The following MSRA variants were observed in gnomAD, a reference collection of about 807,000 sequenced individuals.
MSRA encodes mitochondrial peptide methionine sulfoxide reductase.
In MSRA, 54 loss-of-function variants were observed where a neutral mutation model predicts 31.3. The observed-to-expected ratio is 1.73, with a 90% CI of 1.39 to 2.17. The LOEUF is 2.17. Among genes scored for constraint, MSRA ranks in the 30% most tolerant of loss-of-function variants. The probability of loss-of-function intolerance (pLI) is 0.00; values close to 1 mark genes in which losing one functional copy is unlikely to be tolerated. For synonymous variants in MSRA, 169 were observed against 116.5 expected (o/e 1.45, Z -2.90); for missense variants, 507 against 300.9 (o/e 1.69, Z -5.07).
chr8:10,408,470 A>G (rs1246634003), intron 5 of MSRA, among the ~76,000 whole-genome samples: 3 of 152,160 alleles, frequency 2.0e-5, no homozygotes, highest in Non-Finnish European at 4.4e-5. Context: ...GGAACCCAGA[A>G]TCAAGCCTGC....
chr8:10,124,503 T>G (rs971094326), intron 1 of MSRA, among the ~76,000 whole-genome samples: 1 of 152,198 alleles, frequency 6.6e-6, no homozygotes, highest in Non-Finnish European at 1.5e-5. Flanking sequence ...TTATGGAAAA[T>G]TCTAAAAGTG....
chr8:10,208,214 T>C (rs1356689803), intron 2 of MSRA, among the ~76,000 whole-genome samples: 2 of 152,102 alleles, frequency 1.3e-5, no homozygotes, highest in Non-Finnish European at 2.9e-5. Flanking sequence ...AGCACGGATT[T>C]TTTTTTTTTC....
At chr8:10,382,417 T>A (rs1395342920) in intron 5 of MSRA, among the ~76,000 whole-genome samples, 2 of 152,222 alleles carry the variant, frequency 1.3e-5, no homozygotes, top group African/African-American at 2.4e-5. Context: ...GTCGCCCTTG[T>A]ACTGCATTTG....
intron 5 of MSRA, among the ~76,000 whole-genome samples, chr8:10,365,628 A>C (rs1805118417): frequency 6.6e-6 from 1 of 152,226 alleles, no homozygotes; most frequent in Non-Finnish European, 1.5e-5. Flanking sequence ...AGCAGGAACT[A>C]CTTATAGACT....
intron 3 of MSRA, among the ~76,000 whole-genome samples, chr8:10,275,699 A>G (rs1431581685): frequency 1.3e-5 from 2 of 152,196 alleles, no homozygotes; most frequent in Admixed American, 1.3e-4. Context: ...GTACAAGGAG[A>G]TGCCATGAGA....
intron 2 of MSRA, among the ~76,000 whole-genome samples, chr8:10,225,207 C>G (rs562381803): frequency 6.6e-5 from 10 of 152,354 alleles, no homozygotes; most frequent in Non-Finnish European, 1.3e-4. Flanking sequence ...CATCTCATCC[C>G]TTACTCTAAC....
intron 5 of MSRA, among the ~76,000 whole-genome samples, chr8:10,420,102 C>T (rs1404265066): frequency 6.6e-6 from 1 of 152,076 alleles, no homozygotes; most frequent in African/African-American, 2.4e-5. Flanking sequence ...AGTGTGCAGC[C>T]TTAAAAAGAA....
At chr8:10,396,063 C>A (rs1165276241) in intron 5 of MSRA, among the ~76,000 whole-genome samples, 1 of 152,188 alleles carries the variant, frequency 6.6e-6, no homozygotes, top group Non-Finnish European at 1.5e-5. Context: ...CCCCTTCCCA[C>A]AAGGGCCCTT....
intron 1 of MSRA, among the ~76,000 whole-genome samples, chr8:10,193,831 G>C (rs769874615): frequency 6.6e-6 from 1 of 152,144 alleles, no homozygotes; most frequent in Non-Finnish European, 1.5e-5. Flanking sequence ...GAAAATGTTA[G>C]AGTAGCTGAT....
chr8:10,316,532 C>G lies in MSRA; in HGVS notation c.437-3351C>G, dbSNP rs977803044. ...TGTTAGCTACTTTGATGATCCCTCT[C>G]TCTCTCTCTCTCTCTCTCTCTCTCT... On this transcript the variant is annotated intron_variant, in intron 4 of 5. Coordinates refer to ENST00000317173, the MANE Select transcript of MSRA (RefSeq NM_012331.5). 1.2e-4 allele frequency among the ~76,000 whole-genome samples: 5 copies of G among 40,864 alleles called. No homozygotes were observed. The East Asian group carries it at 7.2e-3, about 59-fold the overall frequency. 26.8% of individuals were successfully genotyped at this position (40,864 alleles called of 152,430 possible). A position where few individuals can be genotyped will look rare whatever the true frequency, so the allele number is the denominator to read the frequency against.
chr8:10,269,260 T>A (rs1233073860), intron 3 of MSRA, among the ~76,000 whole-genome samples: 4 of 152,252 alleles, frequency 2.6e-5, no homozygotes. Flanking sequence ...GTTTTCTGAA[T>A]CATTTAAGTG....
chr8:10,062,447 A>G (rs192086974), intron 1 of MSRA, among the ~76,000 whole-genome samples: 2 of 152,340 alleles, frequency 1.3e-5, no homozygotes, highest in East Asian at 1.9e-4. Flanking sequence ...ATGTAGCACT[A>G]CACAATGAAC....
chr8:10,083,660 C>T (rs1798403104), intron 1 of MSRA, among the ~76,000 whole-genome samples: 1 of 152,090 alleles, frequency 6.6e-6, no homozygotes, highest in East Asian at 1.9e-4. Flanking sequence ...TTAAACTATG[C>T]AGAGGAAATT....
chr8:10,213,172 C>T (rs1254417192), intron 2 of MSRA, among the ~76,000 whole-genome samples: 2 of 152,010 alleles, frequency 1.3e-5, no homozygotes, highest in African/African-American at 4.8e-5. Flanking sequence ...ATTAACGATC[C>T]CCACCTTCTC....
intron 5 of MSRA, among the ~76,000 whole-genome samples, chr8:10,421,838 C>T (rs894914857): frequency 3.3e-5 from 5 of 152,066 alleles, no homozygotes; most frequent in African/African-American, 1.2e-4. Context: ...GCCTTCCTGC[C>T]CCAGAGATCT....
At chr8:10,081,305 C>T (rs1354754526) in intron 1 of MSRA, among the ~76,000 whole-genome samples, 1 of 152,200 alleles carries the variant, frequency 6.6e-6, no homozygotes, top group East Asian at 1.9e-4. Flanking sequence ...ACCCACGTGC[C>T]ATTTGGGCCT....
chr8:10,351,357 G>A (rs535543387), intron 5 of MSRA, among the ~76,000 whole-genome samples: 3 of 147,516 alleles, frequency 2.0e-5, no homozygotes, highest in African/African-American at 5.0e-5. Flanking sequence ...GGGTTCAAGC[G>A]ATTCTCCTGC....
At chr8:10,241,844 T>C (rs1323228385) in intron 2 of MSRA, among the ~76,000 whole-genome samples, 1 of 152,212 alleles carries the variant, frequency 6.6e-6, no homozygotes. Flanking sequence ...TGAGGACGGT[T>C]GTGTGAATTG....
At chr8:10,106,338 C>G (rs1294088740) in intron 1 of MSRA, among the ~76,000 whole-genome samples, 3 of 152,188 alleles carry the variant, frequency 2.0e-5, no homozygotes, top group Non-Finnish European at 2.9e-5. Context: ...GAAATGTCCT[C>G]TCATTGGCTA....
Sources: allele counts gnomAD v4.1 joint callset (sites outside exome capture counted in the v4.1 genomes callset), GRCh38; gene constraint gnomAD v4.1.1; transcripts MANE v1.5; gene names NCBI Gene and HGNC (gene_info 2026-07-23, HGNC 2026-07-21).